The following PTPRM variants were observed in gnomAD, a reference collection of about 807,000 sequenced individuals.
PTPRM encodes the protein protein tyrosine phosphatase receptor type M.
Under a neutral mutation model 186.7 loss-of-function variants are expected in PTPRM, and 47 were observed. That is an observed-to-expected ratio of 0.25 (90% CI 0.20 to 0.32). PTPRM has a LOEUF of 0.32. Among genes scored for constraint, PTPRM ranks in the 10% least tolerant of loss-of-function variants. The pLI is 1.00. For missense variants in PTPRM, 1,494 were observed against 1,865.0 expected, an observed-to-expected ratio of 0.80 and a Z score of 3.66; for synonymous variants, 668 against 674.9, an observed-to-expected ratio of 0.99 and a Z score of 0.16.
At chr18:7,723,848 C>T (rs998703838) in intron 1 of PTPRM, among the ~76,000 whole-genome samples, 11 of 152,294 alleles carry the variant, frequency 7.2e-5, no homozygotes, top group African/African-American at 2.6e-4. Flanking sequence ...CCTTCCTATA[C>T]TCCCTGCATT....
At chr18:7,957,845 G>A (rs1004257257) in intron 7 of PTPRM, among the ~76,000 whole-genome samples, 1 of 152,174 alleles carries the variant, frequency 6.6e-6, no homozygotes, top group Non-Finnish European at 1.5e-5. Flanking sequence ...TGAAAGTTTG[G>A]TATCAGTCCC....
Position 8,144,428 on chromosome 18 carries a change from C to G in PTPRM, c.2300+649C>G, listed in dbSNP as rs182800637. Among the ~76,000 whole-genome samples the G allele has an allele frequency of 2.0e-5, 3 of 152,248 alleles. No homozygotes were observed. The East Asian group carries it at 5.8e-4, about 29-fold the overall frequency. ...CTTTATCCCAGGAGTTCGAGACCAG[C>G]CTGGGCAACATGACAAAACCCTGTC... On this transcript the variant is annotated intron_variant, in intron 14 of 32. Coordinates refer to ENST00000580170, the MANE Select transcript of PTPRM (RefSeq NM_001105244.2).
chr18:8,022,436 C>G (rs1219555050), intron 7 of PTPRM, among the ~76,000 whole-genome samples: 1 of 152,208 alleles, frequency 6.6e-6, no homozygotes, highest in Non-Finnish European at 1.5e-5. Context: ...TAAGTCTTTT[C>G]TGCTACACTT....
At chr18:7,850,885 G>C (rs1351695514) in intron 2 of PTPRM, among the ~76,000 whole-genome samples, 3 of 152,120 alleles carry the variant, frequency 2.0e-5, no homozygotes, top group Non-Finnish European at 4.4e-5. Flanking sequence ...AGCACAAAAA[G>C]TATACAAATA....
chr18:7,819,499 AG>A (rs1270440318), intron 2 of PTPRM, among the ~76,000 whole-genome samples: 1 of 152,152 alleles, frequency 6.6e-6, no homozygotes, highest in African/African-American at 2.4e-5. Context: ...CAGGCCACTA[AG>A]TGGCTCAACT....
chr18:7,994,465 A>G (rs1034700629), intron 7 of PTPRM, among the ~76,000 whole-genome samples: 2 of 152,182 alleles, frequency 1.3e-5, no homozygotes, highest in African/African-American at 4.8e-5. Flanking sequence ...AAACTACCCT[A>G]CAGACCACAT....
At chr18:8,087,912 T>TAA (rs2090514610) in intron 10 of PTPRM, among the ~76,000 whole-genome samples, 2 of 152,178 alleles carry the variant, frequency 1.3e-5, no homozygotes, top group African/African-American at 4.8e-5. Context: ...ATGATTTGTC[T>TAA]TGTCCGTAAT....
chr18:8,263,494 TG>T (rs1295139281), intron 19 of PTPRM, among the ~76,000 whole-genome samples: 15 of 152,360 alleles, frequency 9.8e-5, no homozygotes, highest in Admixed American at 9.1e-4. Context: ...TCTTTGTGCC[TG>T]GTTCCTGACA....
chr18:8,039,968 A>C (rs1026939534), intron 7 of PTPRM, among the ~76,000 whole-genome samples: 3 of 152,202 alleles, frequency 2.0e-5, no homozygotes, highest in Admixed American at 2.0e-4. Context: ...ACCTTTTCAG[A>C]TATATTGCAA....
intron 7 of PTPRM, among the ~76,000 whole-genome samples, chr18:8,029,643 G>A (rs1256207727): frequency 6.6e-6 from 1 of 152,088 alleles, no homozygotes; most frequent in Non-Finnish European, 1.5e-5. Context: ...TCACTGTCCT[G>A]ATAAACATCT....
intron 21 of PTPRM, among the ~76,000 whole-genome samples, chr18:8,318,660 A>T (rs564100414): frequency 1.3e-5 from 2 of 152,290 alleles, no homozygotes; most frequent in South Asian, 4.1e-4. Context: ...AAAAGGAAGG[A>T]ATCTTTCAGA....
intron 14 of PTPRM, among the ~76,000 whole-genome samples, chr18:8,145,557 A>T (rs1600824099): frequency 6.6e-6 from 1 of 152,154 alleles, no homozygotes; most frequent in East Asian, 1.9e-4. Flanking sequence ...CCACATATGA[A>T]TGAGAACATG....
intron 14 of PTPRM, among the ~76,000 whole-genome samples, chr18:8,199,577 T>C (rs16953033): frequency 0.016 from 2,389 of 152,262 alleles, 60 homozygotes; most frequent in African/African-American, 0.054. Context: ...ATCTACACCA[T>C]GGTTTTCTGT....
intron 14 of PTPRM, among the ~76,000 whole-genome samples, chr18:8,236,491 T>C (rs1039461040): frequency 1.3e-5 from 2 of 152,162 alleles, no homozygotes; most frequent in Non-Finnish European, 2.9e-5. Context: ...GTAGATCATA[T>C]GTAGTTGAGT....
At chr18:8,288,948 CG>C (rs1357919765) in intron 19 of PTPRM, among the ~76,000 whole-genome samples, 1 of 152,136 alleles carries the variant, frequency 6.6e-6, no homozygotes, top group East Asian at 1.9e-4. Flanking sequence ...TTCCATAAAA[CG>C]TGGTAACCAG....
intron 2 of PTPRM, among the ~76,000 whole-genome samples, chr18:7,784,986 G>A (rs1213689040): frequency 2.0e-5 from 3 of 152,176 alleles, no homozygotes. Flanking sequence ...GAGAAGGTGA[G>A]TAGTGATGCT....
chr18:7,896,919 G>T (rs2049391573), intron 3 of PTPRM, among the ~76,000 whole-genome samples: 1 of 152,154 alleles, frequency 6.6e-6, no homozygotes, highest in Non-Finnish European at 1.5e-5. Flanking sequence ...AGCTAGCTCG[G>T]TGCCTGTTTC....
At chr18:8,196,398 G>T (rs2093778402) in intron 14 of PTPRM, among the ~76,000 whole-genome samples, 1 of 152,220 alleles carries the variant, frequency 6.6e-6, no homozygotes, top group African/African-American at 2.4e-5. Flanking sequence ...ACAGGAGAGA[G>T]TGGAATGAGC....
rs768485152 is a variant in PTPRM, at chr18:8,143,650, C to A, written c.2171C>A (p.Ala724Asp). The change falls in exon 14 of 33, where the codon GCT becomes GAT. Residue 724 changes from alanine to aspartate, a missense_variant. Physicochemically the swap from Ala to Asp is moderately radical, Grantham distance 126. Coordinates refer to ENST00000580170, the MANE Select transcript of PTPRM (RefSeq NM_001105244.2). ...IDCVQVATKG[A>D]ATPKPVPEPE... ...TTTCATTTCCTTTCATCTTCAGGAG[C>A]TGCCACTCCGAAACCAGTCCCAGAA... 6.3e-7 allele frequency: 1 copy of A among 1,591,078 alleles called. No homozygotes were observed. The highest frequency in any genetic ancestry group is 8.6e-7 in the Non-Finnish European group (1 of 1,159,108).
Sources: gnomAD v4.1 joint callset for allele counts (sites outside exome capture counted in the v4.1 genomes callset) on GRCh38, gnomAD v4.1.1 for gene constraint, MANE v1.5 for transcripts, NCBI Gene and HGNC (gene_info 2026-07-23, HGNC 2026-07-21) for gene names.